Variants in MYH14 observed in about 807,000 individuals in gnomAD.
The protein encoded by MYH14 is myosin heavy chain 14, also known as myosin-14.
A neutral mutation model predicts 255.5 loss-of-function variants in MYH14; 123 were observed. The observed-to-expected ratio is 0.48, with a 90% CI of 0.42 to 0.56. MYH14 has a LOEUF of 0.56. Ranked by LOEUF, MYH14 falls within the 20% of genes least tolerant of loss-of-function variation. The probability of loss-of-function intolerance (pLI) is 0.00; values close to 1 mark genes in which losing one functional copy is unlikely to be tolerated. For synonymous variants in MYH14, 1,095 were observed against 1,161.2 expected (o/e 0.94, Z 1.16); for missense variants, 2,423 against 2,802.3 (o/e 0.86, Z 3.06).
intron 5 of MYH14, 108 bp from the exon 6 acceptor site, chr19:50,224,046 T>TCCCC: frequency 5.9e-6 from 3 of 504,360 alleles, no homozygotes; most frequent in African/African-American, 2.8e-5. Flanking sequence ...CAGTCCCCCT[T>TCCCC]CCCCCACCCC....
intron 5 of MYH14, among the ~76,000 whole-genome samples, chr19:50,223,782 G>C (rs1231810992): frequency 6.6e-6 from 1 of 152,102 alleles, no homozygotes; most frequent in East Asian, 1.9e-4. Context: ...GCATGGGAGG[G>C]GTGAGTCAGT....
chr19:50,211,258 C>T (rs917401941), intron 2 of MYH14, among the ~76,000 whole-genome samples: 9 of 152,126 alleles, frequency 5.9e-5, no homozygotes, highest in South Asian at 2.1e-4. Flanking sequence ...CACTTGAGCC[C>T]GGGAGGTCAA....
At chr19:50,249,921 A>T (rs1200180701) in intron 14 of MYH14, 98 bp downstream of exon 14, 17 of 1,459,514 alleles carry the variant, frequency 1.2e-5, no homozygotes, top group Non-Finnish European at 1.5e-5. Context: ...GCTGGGCCTC[A>T]GGATGCCCCA....
intron 24 of MYH14, among the ~76,000 whole-genome samples, chr19:50,271,027 C>T (rs2035280418): frequency 6.6e-6 from 1 of 152,074 alleles, no homozygotes; most frequent in Admixed American, 6.6e-5. Context: ...AATCTGTACC[C>T]CTAACCCCCA....
rs552590948 is a variant in MYH14, at chr19:50,233,081, G to A, written c.1114+1011G>A. 7.5e-4 allele frequency among the ~76,000 whole-genome samples: 114 copies of A among 152,256 alleles called. 3 individuals carry two copies. The South Asian group carries it at 0.022, about 30-fold the overall frequency. On this transcript the variant is annotated intron_variant, in intron 10 of 42. Transcript: ENST00000642316. ...AGGCTCAGGACGCTGTCCCAGGGCT[G>A]CTCAGGTTGGCCCAGGCTGCGCGGC...
chr19:50,259,908 G>C (rs2034759744), intron 19 of MYH14, among the ~76,000 whole-genome samples: 2 of 152,034 alleles, frequency 1.3e-5, no homozygotes, highest in African/African-American at 4.8e-5. Context: ...TAAAGAAGTA[G>C]AATAGGACAG....
chr19:50,203,713 G>A (rs2031571685), intron 1 of MYH14, 42 bp downstream of exon 1: 1 of 152,284 alleles, frequency 6.6e-6, no homozygotes, highest in African/African-American at 2.4e-5. Context: ...GCGGCGGAAC[G>A]GGACTGAGCC....
chr19:50,215,986 C>T (rs2032453441), intron 2 of MYH14, among the ~76,000 whole-genome samples: 1 of 152,212 alleles, frequency 6.6e-6, no homozygotes, highest in South Asian at 2.1e-4. Context: ...GAGTAGCTAA[C>T]TAGCTAAGCC....
chr19:50,220,739 G>T (rs533187737), intron 3 of MYH14, among the ~76,000 whole-genome samples: 4 of 152,128 alleles, frequency 2.6e-5, no homozygotes, highest in African/African-American at 9.6e-5. Flanking sequence ...TTTTAGTAGA[G>T]ACCAGGTTTC....
chr19:50,248,014 C>A (rs1411423693), intron 12 of MYH14, among the ~76,000 whole-genome samples: 1 of 145,390 alleles, frequency 6.9e-6, no homozygotes, highest in Non-Finnish European at 1.5e-5. Context: ...GAGCTGAGAG[C>A]ACGCCACTGC....
intron 3 of MYH14, among the ~76,000 whole-genome samples, chr19:50,222,740 C>T (rs1024752963): frequency 1.3e-5 from 2 of 152,110 alleles, no homozygotes; most frequent in Non-Finnish European, 2.9e-5. Context: ...GACCTCGCTT[C>T]TGTCTTTGAA....
At position 50,257,424 on chromosome 19, in the gene MYH14, G is replaced by A. The variant is rs751776435; in HGVS notation, c.2170G>A (p.Ala724Thr). ...CAAGGAGTCCCTGAGCCGCCTCATG[G>A]CCACACTCAGCAACACCAACCCCAG... ...LYKESLSRLM[A>T]TLSNTNPSFV... Residue 724 changes from alanine (A) to threonine (T), a missense_variant, in exon 18 of 43, where the codon GCC (alanine) becomes ACC (threonine). Ala to Thr is a moderately conservative substitution (Grantham distance 58). This residue lies in a region of MYH14 where 672 missense variants were observed against 881.8 expected (regional missense o/e 0.76). Coordinates refer to ENST00000642316, the MANE Select transcript of MYH14 (RefSeq NM_001145809.2). 1 of 1,608,162 alleles carries A rather than the reference G, an allele frequency of 6.2e-7. No individual in the cohort carries two copies. The highest frequency in any genetic ancestry group is 8.5e-7 in the Non-Finnish European group (1 of 1,177,232).
intron 27 of MYH14, among the ~76,000 whole-genome samples, chr19:50,274,173 T>C (rs949142409): frequency 2.0e-5 from 3 of 152,218 alleles, no homozygotes; most frequent in African/African-American, 7.2e-5. Context: ...ATTACTCTTG[T>C]TAATTTTTTT....
At chr19:50,238,565 T>C (rs1360398732) in intron 10 of MYH14, among the ~76,000 whole-genome samples, 2 of 151,976 alleles carry the variant, frequency 1.3e-5, no homozygotes, top group African/African-American at 4.8e-5. Flanking sequence ...AATTCTCCCA[T>C]TTCAGCCTCC....
At chr19:50,261,683 CAGGG>C in intron 21 of MYH14, 48 bp downstream of exon 21, 3 of 1,526,310 alleles carry the variant, frequency 2.0e-6, no homozygotes, top group Non-Finnish European at 2.6e-6. Context: ...GAGACTGGGT[CAGGG>C]AGGGGTTGAC....
chr19:50,281,889 A>G (rs1462722650), intron 33 of MYH14, 47 bp downstream of exon 33: 2 of 1,584,800 alleles, frequency 1.3e-6, no homozygotes, highest in Middle Eastern at 1.7e-4. Context: ...AAGTCCATCT[A>G]CGCTTCCCAT....
intron 3 of MYH14, among the ~76,000 whole-genome samples, 196 bp downstream of exon 3, chr19:50,217,967 C>T (rs1160217057): frequency 6.6e-6 from 1 of 152,166 alleles, no homozygotes; most frequent in Non-Finnish European, 1.5e-5. Flanking sequence ...TTTTACCTGT[C>T]TCCATGTTCA....
At chr19:50,282,502 A>G (rs13344952) in intron 33 of MYH14, among the ~76,000 whole-genome samples, 55,288 of 151,912 alleles carry the variant, frequency 0.36, 11,073 homozygotes, top group African/African-American at 0.53. Flanking sequence ...AGGAGTTCAC[A>G]ACCAGCATGG....
At chr19:50,243,092 G>A (rs1309995377) in intron 10 of MYH14, among the ~76,000 whole-genome samples, 1 of 152,126 alleles carries the variant, frequency 6.6e-6, no homozygotes, top group African/African-American at 2.4e-5. Flanking sequence ...CTGTGCGAAT[G>A]AGTCAGTAGT....
Sources: allele counts gnomAD v4.1 joint callset (sites outside exome capture counted in the v4.1 genomes callset), GRCh38; gene constraint gnomAD v4.1.1; regional missense constraint gnomAD v4.1.1; transcripts MANE v1.5; gene names NCBI Gene and HGNC (gene_info 2026-07-23, HGNC 2026-07-21).